Variants in TENM2 observed in about 807,000 individuals in gnomAD.
TENM2 encodes the protein teneurin transmembrane protein 2.
TENM2 carries 52 observed loss-of-function variants against 245.2 expected under a neutral mutation model. That is an observed-to-expected ratio of 0.21 (90% CI 0.17 to 0.27). The LOEUF (loss-of-function observed/expected upper bound fraction) is 0.27. TENM2 is among the 10% of genes least tolerant of loss of function. The pLI is 1.00. For missense variants in TENM2, 3,046 were observed against 3,666.8 expected, an observed-to-expected ratio of 0.83 and a Z score of 4.37; for synonymous variants, 1,363 against 1,438.9, an observed-to-expected ratio of 0.95 and a Z score of 1.19.
At chr5:167,212,724 A>T in the TENM2 span, among the ~76,000 whole-genome samples, 1 of 152,176 alleles carries the variant, frequency 6.6e-6, no homozygotes, top group South Asian at 2.1e-4. Context: ...TCATTGAAGG[A>T]TTTTCCAGCT....
chr5:167,640,581 G>A lies in TENM2; in HGVS notation c.503-235405G>A, dbSNP rs552699224. Among the ~76,000 whole-genome samples, 6 of 145,246 alleles carry A rather than the reference G, an allele frequency of 4.1e-5. No individual in the cohort carries two copies. The South Asian group carries it at 1.1e-3, about 26-fold the overall frequency. On this transcript the variant is annotated intron_variant, in intron 2 of 28. Transcript: ENST00000518659. ...TGCAGTGAGCCGAGATCATACCACT[G>A]CACTTCAGCCTGGGTAAACGAGAGC...
At chr5:167,733,065 A>C (rs1054292658) in intron 2 of TENM2, among the ~76,000 whole-genome samples, 1 of 139,308 alleles carries the variant, frequency 7.2e-6, no homozygotes, top group Non-Finnish European at 1.6e-5. Flanking sequence ...AGTTTCCTCC[A>C]TTTTCTCCAA....
chr5:167,028,642 A>G, the TENM2 span, among the ~76,000 whole-genome samples: 1 of 152,128 alleles, frequency 6.6e-6, no homozygotes, highest in African/African-American at 2.4e-5. Context: ...AGCATATGTA[A>G]ATGATATTAA....
At chr5:167,009,191 G>A in the TENM2 span, among the ~76,000 whole-genome samples, 1 of 152,106 alleles carries the variant, frequency 6.6e-6, no homozygotes, top group African/African-American at 2.4e-5. Flanking sequence ...ACAATCGGAT[G>A]TACAGGTGTG....
At chr5:167,550,476 AT>A (rs746121157) in intron 2 of TENM2, among the ~76,000 whole-genome samples, 4 of 152,008 alleles carry the variant, frequency 2.6e-5, no homozygotes, top group Admixed American at 6.6e-5. Context: ...TGGCTCTAAC[AT>A]TTCAGGGAGG....
intron 13 of TENM2, among the ~76,000 whole-genome samples, chr5:168,180,335 C>G (rs1474123787): frequency 6.6e-6 from 1 of 152,222 alleles, no homozygotes; most frequent in Non-Finnish European, 1.5e-5. Context: ...ATCCATATAT[C>G]AAAGCCTCCA....
At chr5:167,028,199 A>G in the TENM2 span, among the ~76,000 whole-genome samples, 1 of 151,572 alleles carries the variant, frequency 6.6e-6, no homozygotes, top group East Asian at 1.9e-4. Flanking sequence ...ATAATTTTTT[A>G]TGGTGGCCCA....
chr5:167,127,837 T>C, the TENM2 span, among the ~76,000 whole-genome samples: 2 of 152,130 alleles, frequency 1.3e-5, no homozygotes, highest in African/African-American at 2.4e-5. Context: ...TCTTTGGCAG[T>C]TGACCTTGTC....
intron 2 of TENM2, among the ~76,000 whole-genome samples, chr5:167,580,073 A>G (rs1163428428): frequency 1.3e-5 from 2 of 152,248 alleles, no homozygotes; most frequent in African/African-American, 2.4e-5. Context: ...GGACAGAATC[A>G]TAATTGCCTA....
the TENM2 span, among the ~76,000 whole-genome samples, chr5:167,125,445 T>C: frequency 6.6e-6 from 1 of 152,318 alleles, no homozygotes; most frequent in Admixed American, 6.5e-5. Context: ...AGCGGAATTT[T>C]GTATCTTTGA....
chr5:168,246,793 A>G, exon 27 of TENM2: 1 of 1,613,900 alleles, frequency 6.2e-7, no homozygotes, highest in Non-Finnish European at 8.5e-7. Flanking sequence ...ACGTCAGTAT[A>G]TATTTGAGTA....
chr5:168,087,611 A>G (rs1792571481), intron 7 of TENM2, among the ~76,000 whole-genome samples: 4 of 150,886 alleles, frequency 2.7e-5, no homozygotes, highest in Admixed American at 2.0e-4. Context: ...TCCATCTCAA[A>G]AAAAAAAAAA....
chr5:167,872,542 AAGAAAG>A (rs1401326203), intron 2 of TENM2, among the ~76,000 whole-genome samples: 1,717 of 47,060 alleles, frequency 0.036, 31 homozygotes, highest in African/African-American at 0.048. Context: ...GAAAGAAAGA[AAGAAAG>A]AGAAAGAAAG....
At chr5:167,648,405 A>G (rs1337417255) in intron 2 of TENM2, among the ~76,000 whole-genome samples, 1 of 152,208 alleles carries the variant, frequency 6.6e-6, no homozygotes, top group African/African-American at 2.4e-5. Flanking sequence ...TTTGCTCACT[A>G]TATGTCAGGC....
At chr5:167,356,216 A>AAAAAAAG (rs1412322682) in intron 1 of TENM2, among the ~76,000 whole-genome samples, 4 of 134,400 alleles carry the variant, frequency 3.0e-5, no homozygotes, top group African/African-American at 1.3e-4. Flanking sequence ...AAAAAAAAAA[A>AAAAAAAG]AAAAATTAAA....
chr5:167,043,007 G>A, the TENM2 span, among the ~76,000 whole-genome samples: 1 of 152,186 alleles, frequency 6.6e-6, no homozygotes, highest in Admixed American at 6.5e-5. Context: ...TGACACCACA[G>A]TCTCTGGAAC....
the TENM2 span, among the ~76,000 whole-genome samples, chr5:167,094,907 A>G: frequency 1.1e-4 from 16 of 152,240 alleles, no homozygotes; most frequent in African/African-American, 3.9e-4. Context: ...TATAAATTCA[A>G]TAAACATCAT....
chr5:167,322,929 C>A (rs1003068056), intron 1 of TENM2, among the ~76,000 whole-genome samples: 1 of 152,156 alleles, frequency 6.6e-6, no homozygotes, highest in Non-Finnish European at 1.5e-5. Flanking sequence ...CGGGGTATTT[C>A]CTTTAGCAAT....
intron 2 of TENM2, among the ~76,000 whole-genome samples, chr5:167,408,846 A>G (rs1261100714): frequency 1.3e-5 from 2 of 150,346 alleles, no homozygotes; most frequent in East Asian, 1.9e-4. Context: ...TCTAATATAT[A>G]TATGACAGAG....
Sources: gnomAD v4.1 joint callset for allele counts (sites outside exome capture counted in the v4.1 genomes callset) on GRCh38, gnomAD v4.1.1 for gene constraint, MANE v1.5 for transcripts, NCBI Gene and HGNC (gene_info 2026-07-23, HGNC 2026-07-21) for gene names.